The following ZNF410 variants were observed in gnomAD, a reference collection of about 807,000 sequenced individuals.
The protein encoded by ZNF410 is zinc finger protein 410.
ZNF410 carries 18 observed loss-of-function variants against 54.8 expected under a neutral mutation model. The observed-to-expected ratio is 0.33, with a 90% CI of 0.23 to 0.49. ZNF410 has a LOEUF of 0.49. Ranked by LOEUF, ZNF410 falls within the 20% of genes least tolerant of loss-of-function variation. The pLI is 0.99. For missense variants in ZNF410, 405 were observed against 569.6 expected (o/e 0.71, Z 2.94); for synonymous variants, 191 against 207.3 (o/e 0.92, Z 0.68).
intron 10 of ZNF410, chr14:73,922,431 A>C (rs11620637): frequency 3.0e-6 from 1 of 337,018 alleles, no homozygotes; most frequent in Non-Finnish European, 5.3e-6. Context: ...AAAAATTCTT[A>C]AGAAAAAATT....
chr14:73,930,657 C>T (rs1369402159), intron 11 of ZNF410, among the ~76,000 whole-genome samples: 1 of 151,560 alleles, frequency 6.6e-6, no homozygotes, highest in Non-Finnish European at 1.5e-5. Context: ...GAGTGCAGTG[C>T]AGTGGCATGA....
At chr14:73,918,308 G>A (rs1387657222) in intron 8 of ZNF410, among the ~76,000 whole-genome samples, 3 of 152,010 alleles carry the variant, frequency 2.0e-5, no homozygotes, top group Non-Finnish European at 4.4e-5. Context: ...TCACCATGTT[G>A]GCCAGGTCTT....
At position 73,931,887 on chromosome 14, in the gene ZNF410, T is replaced by G; in HGVS notation, c.*346T>G. On this transcript the variant is annotated 3_prime_UTR_variant, in exon 12 of 12. Transcript: ENST00000555044. ...GAGGGGAGGTTTTCCTTTGAAGAGT[T>G]TTCATCCCAGACTCAGCTGTCTTTT... The G allele has an allele frequency of 2.2e-6, 1 of 451,344 alleles. No homozygotes were observed. Among genetic ancestry groups the G allele is most frequent in the Non-Finnish European group, 4.5e-6 (1 of 224,610 alleles). The allele number at this position is 451,344 out of a possible 1,614,324, so 28.0% of individuals were successfully genotyped here. A position where few individuals can be genotyped will look rare whatever the true frequency, so the allele number is the denominator to read the frequency against.
chr14:73,902,071 T>C (rs1171025129), intron 5 of ZNF410: 1 of 70,746 alleles, frequency 1.4e-5, no homozygotes, highest in Non-Finnish European at 2.7e-5. Flanking sequence ...ATATGTGTAG[T>C]TTTTTTTTTT....
intron 4 of ZNF410, among the ~76,000 whole-genome samples, chr14:73,897,331 A>G (rs1389924473): frequency 6.6e-6 from 1 of 152,212 alleles, no homozygotes; most frequent in East Asian, 1.9e-4. Flanking sequence ...GAAGGTAAAT[A>G]GCTAGAGAAG....
At chr14:73,900,188 G>C (rs2055383990) in intron 5 of ZNF410, among the ~76,000 whole-genome samples, 1 of 146,660 alleles carries the variant, frequency 6.8e-6, no homozygotes, top group Non-Finnish European at 1.5e-5. Context: ...AGCGAAACTT[G>C]GTCTCCCAAA....
At chr14:73,918,011 A>T (rs2055694279) in intron 8 of ZNF410, among the ~76,000 whole-genome samples, 1 of 152,238 alleles carries the variant, frequency 6.6e-6, no homozygotes, top group East Asian at 1.9e-4. Context: ...GCTTTAAATC[A>T]TCTCTAGATT....
intron 8 of ZNF410, chr14:73,914,694 T>C (rs1450000298): frequency 7.0e-6 from 1 of 142,034 alleles, no homozygotes; most frequent in East Asian, 2.2e-4. Flanking sequence ...AATGGCGTAA[T>C]CTGGGCTCAC....
intron 11 of ZNF410, among the ~76,000 whole-genome samples, chr14:73,923,884 A>G: frequency 6.6e-6 from 1 of 152,326 alleles, no homozygotes; most frequent in East Asian, 1.9e-4. Flanking sequence ...TTATTCAGAG[A>G]AGAGGGCCTG....
intron 4 of ZNF410, among the ~76,000 whole-genome samples, chr14:73,897,832 C>T (rs1250502849): frequency 1.3e-5 from 2 of 151,822 alleles, no homozygotes; most frequent in Non-Finnish European, 2.9e-5. Flanking sequence ...ATTAGCCGGG[C>T]GTGGTGGTGC....
intron 1 of ZNF410, among the ~76,000 whole-genome samples, chr14:73,889,124 A>G (rs2055185155): frequency 6.6e-6 from 1 of 152,226 alleles, no homozygotes; most frequent in South Asian, 2.1e-4. Context: ...GACTTAAACA[A>G]CAAACATCTG....
intron 6 of ZNF410, 94 bp from the exon 7 acceptor site, chr14:73,904,808 T>TAA: frequency 7.2e-7 from 1 of 1,390,422 alleles, no homozygotes. Context: ...TTTTTGGACT[T>TAA]ACTGTTTGCC....
At chr14:73,899,832 A>C (rs1163006198) in intron 5 of ZNF410, among the ~76,000 whole-genome samples, 3 of 152,184 alleles carry the variant, frequency 2.0e-5, no homozygotes, top group Non-Finnish European at 2.9e-5. Context: ...CATTGTGTGG[A>C]TGTTTTTCTT....
intron 7 of ZNF410, 73 bp from the exon 8 acceptor site, chr14:73,909,268 T>G: frequency 7.8e-7 from 1 of 1,279,738 alleles, no homozygotes; most frequent in African/African-American, 1.5e-5. Flanking sequence ...CTGAATAAAG[T>G]TGGTGGGAAA....
At chr14:73,921,262 C>A in intron 9 of ZNF410, 157 bp downstream of exon 9, 1 of 820,208 alleles carries the variant, frequency 1.2e-6, no homozygotes, top group Non-Finnish European at 1.8e-6. Flanking sequence ...CATAGCTATA[C>A]AGTAGAATCA....
intron 5 of ZNF410, among the ~76,000 whole-genome samples, chr14:73,903,355 TA>T (rs1161562751): frequency 6.6e-6 from 1 of 152,244 alleles, no homozygotes; most frequent in African/African-American, 2.4e-5. Flanking sequence ...TTCTGATTTC[TA>T]ATAGCAAACC....
Position 73,921,023 on chromosome 14 carries a change from T to C in ZNF410, c.1047T>C (p.Ser349=). The change falls in exon 9 of 12, where the codon TCT becomes TCC. Residue 349 remains serine, a synonymous_variant. Transcript: ENST00000555044. The part of the protein sequence containing the change: ...HQCQVCGKTF[S]QSGSRNVHMR... ...GCCAAGTCTGTGGGAAGACCTTCTCTCAGAGTGGAAGCAGGAATGTGCATA... is the reference window on the plus strand; with the variant it reads ...GCCAAGTCTGTGGGAAGACCTTCTCCCAGAGTGGAAGCAGGAATGTGCATA... 1 of 1,613,794 alleles carries C rather than the reference T, an allele frequency of 6.2e-7. No homozygotes were observed. Among genetic ancestry groups the C allele is most frequent in the Non-Finnish European group, 8.5e-7 (1 of 1,179,908 alleles).
intron 5 of ZNF410, chr14:73,898,608 T>G: frequency 5.7e-6 from 2 of 348,894 alleles, no homozygotes; most frequent in East Asian, 4.6e-5. Context: ...AGAGCTCTTA[T>G]ACCATCATGA....
In ZNF410 at chr14:73,924,441, T is replaced by G. The variant is rs375757802; in HGVS notation, c.1398+919T>G. Among the ~76,000 whole-genome samples the G allele has an allele frequency of 1.1e-3, 170 of 152,272 alleles. 2 individuals are homozygous for G. Among genetic ancestry groups the G allele is most frequent in the African/African-American group, 4.0e-3 (165 of 41,538 alleles). ...ACTTCTGATCTAAACAAAAAGGGTTTGAGGTTGAGCTAAAGCACTTTCAAC... is the reference window on the plus strand; with the variant it reads ...ACTTCTGATCTAAACAAAAAGGGTTGGAGGTTGAGCTAAAGCACTTTCAAC... On this transcript the variant is annotated intron_variant, in intron 11 of 11. Coordinates refer to ENST00000555044, the MANE Select transcript of ZNF410 (RefSeq NM_021188.3).
Sources: gnomAD v4.1 joint callset for allele counts (sites outside exome capture counted in the v4.1 genomes callset) on GRCh38, gnomAD v4.1.1 for gene constraint, MANE v1.5 for transcripts, NCBI Gene and HGNC (gene_info 2026-07-23, HGNC 2026-07-21) for gene names.